The following PTPRD variants were observed in gnomAD, a reference collection of about 807,000 sequenced individuals.
The protein encoded by PTPRD is receptor-type tyrosine-protein phosphatase delta.
A neutral mutation model predicts 214.5 loss-of-function variants in PTPRD; 34 were observed. That is an observed-to-expected ratio of 0.16 (90% CI 0.12 to 0.21). The LOEUF (loss-of-function observed/expected upper bound fraction) is 0.21, where lower values mean the gene tolerates loss of function less well. Among genes scored for constraint, PTPRD ranks in the 10% least tolerant of loss-of-function variants. PTPRD has a pLI of 1.00. For synonymous variants in PTPRD, 1,128 were observed against 845.7 expected, an observed-to-expected ratio of 1.33 and a Z score of -5.79; for missense variants, 2,545 against 2,398.7, an observed-to-expected ratio of 1.06 and a Z score of -1.27.
At chr9:9,972,731 T>A (rs911742639) in intron 4 of PTPRD, among the ~76,000 whole-genome samples, 1 of 152,154 alleles carries the variant, frequency 6.6e-6, no homozygotes, top group Non-Finnish European at 1.5e-5. Context: ...CTTACCTTTT[T>A]CAGCTTCTAG....
At chr9:10,310,932 G>A (rs1033167695) in intron 3 of PTPRD, among the ~76,000 whole-genome samples, 1 of 151,996 alleles carries the variant, frequency 6.6e-6, no homozygotes, top group Non-Finnish European at 1.5e-5. Flanking sequence ...GTAACCTGCT[G>A]TACCTATGCA....
At chr9:9,884,590 T>A (rs1431224371) in intron 5 of PTPRD, among the ~76,000 whole-genome samples, 1 of 152,112 alleles carries the variant, frequency 6.6e-6, no homozygotes, top group African/African-American at 2.4e-5. Flanking sequence ...AGAAGTCTGA[T>A]GAGCCTAGAG....
At chr9:10,046,096 A>T (rs756446904) in intron 3 of PTPRD, among the ~76,000 whole-genome samples, 45 of 151,926 alleles carry the variant, frequency 3.0e-4, no homozygotes, top group South Asian at 1.5e-3. Flanking sequence ...ATATTCTAGC[A>T]GCTGGATTTT....
At chr9:8,502,993 C>T (rs1023019409) in intron 23 of PTPRD, among the ~76,000 whole-genome samples, 4 of 151,838 alleles carry the variant, frequency 2.6e-5, no homozygotes, top group Admixed American at 1.3e-4. Flanking sequence ...ATTTATTAGC[C>T]TGCCTGGAAT....
At chr9:10,170,511 C>T (rs893186049) in intron 3 of PTPRD, among the ~76,000 whole-genome samples, 8 of 152,032 alleles carry the variant, frequency 5.3e-5, no homozygotes, top group Non-Finnish European at 4.4e-5. Flanking sequence ...CACGGTGAAA[C>T]CCCGTCTCTA....
chr9:8,808,327 T>C (rs1326519124), intron 11 of PTPRD, among the ~76,000 whole-genome samples: 1 of 152,170 alleles, frequency 6.6e-6, no homozygotes, highest in Non-Finnish European at 1.5e-5. Flanking sequence ...GTGCAGACAC[T>C]GCGTCAAGTC....
intron 2 of PTPRD, among the ~76,000 whole-genome samples, chr9:10,570,895 G>A (rs201411271): frequency 9.5e-6 from 1 of 104,734 alleles, no homozygotes; most frequent in Non-Finnish European, 2.0e-5. Context: ...TTTTTTTTTT[G>A]TACAGGGTTA....
At chr9:8,586,907 G>C (rs2093699471) in intron 14 of PTPRD, among the ~76,000 whole-genome samples, 1 of 152,188 alleles carries the variant, frequency 6.6e-6, no homozygotes, top group South Asian at 2.1e-4. Flanking sequence ...CAGCACTTTG[G>C]GAGACTGAGG....
At chr9:8,326,508 C>T (rs190382223) in intron 44 of PTPRD, among the ~76,000 whole-genome samples, 6 of 151,314 alleles carry the variant, frequency 4.0e-5, no homozygotes, top group African/African-American at 1.5e-4. Context: ...CGATGTTCAT[C>T]AGGGATATTG....
chr9:10,352,276 A>G (rs2097196259), intron 2 of PTPRD, among the ~76,000 whole-genome samples: 2 of 152,080 alleles, frequency 1.3e-5, no homozygotes, highest in African/African-American at 4.8e-5. Context: ...TTAATTATAC[A>G]AACACTCCTG....
intron 3 of PTPRD, among the ~76,000 whole-genome samples, chr9:10,221,715 T>C (rs1207657782): frequency 6.6e-6 from 1 of 151,994 alleles, no homozygotes; most frequent in Non-Finnish European, 1.5e-5. Flanking sequence ...TTTACCAATG[T>C]TGTTTCTCAC....
At chr9:10,293,197 T>G (rs1428300521) in intron 3 of PTPRD, among the ~76,000 whole-genome samples, 4 of 151,868 alleles carry the variant, frequency 2.6e-5, no homozygotes, top group Admixed American at 2.0e-4. Flanking sequence ...CACATCAAAA[T>G]TAAGTACACA....
At chr9:10,404,955 A>G (rs1368857817) in intron 2 of PTPRD, among the ~76,000 whole-genome samples, 1 of 47,956 alleles carries the variant, frequency 2.1e-5, no homozygotes, top group African/African-American at 5.1e-5. Context: ...TAACACTTCA[A>G]TCTCATCCTC....
chr9:10,225,718 C>T (rs1448870062), intron 3 of PTPRD, among the ~76,000 whole-genome samples: 1 of 152,022 alleles, frequency 6.6e-6, no homozygotes, highest in Non-Finnish European at 1.5e-5. Context: ...ACTGTGGATA[C>T]ATGCCTCAAC....
chr9:10,552,605 A>G (rs2061582591), intron 2 of PTPRD, among the ~76,000 whole-genome samples: 1 of 152,162 alleles, frequency 6.6e-6, no homozygotes, highest in Non-Finnish European at 1.5e-5. Flanking sequence ...TGGACGCTAG[A>G]TCAACCAATT....
intron 7 of PTPRD, among the ~76,000 whole-genome samples, chr9:9,676,200 T>C (rs947849078): frequency 7.2e-5 from 11 of 152,068 alleles, no homozygotes; most frequent in Admixed American, 7.2e-4. Context: ...TATGTATACA[T>C]GTGCCATGTT....
chr9:10,154,663 T>C (rs2099082629), intron 3 of PTPRD, among the ~76,000 whole-genome samples: 1 of 152,186 alleles, frequency 6.6e-6, no homozygotes, highest in Non-Finnish European at 1.5e-5. Flanking sequence ...TTCAGTCTTC[T>C]GCATATAGCT....
At chr9:9,771,410 T>G (rs2098750795) in intron 5 of PTPRD, among the ~76,000 whole-genome samples, 1 of 152,206 alleles carries the variant, frequency 6.6e-6, no homozygotes, top group African/African-American at 2.4e-5. Context: ...CAAAATTCGA[T>G]GTATCCATCT....
chr9:10,278,133 G>A lies in PTPRD; in HGVS notation c.-545+62830C>T, dbSNP rs183520677. On this transcript the variant is annotated intron_variant, in intron 3 of 45. Transcript: ENST00000381196. ...ATAGCGCCACTGCACTCCAGCCTGG[G>A]CGACAGAGCGAGACTCTGTCTCAAA... Among the ~76,000 whole-genome samples the A allele has an allele frequency of 2.5e-4, 36 of 142,748 alleles. No homozygotes were observed. In the East Asian group the frequency reaches 6.5e-3, roughly 26 times the overall value. The allele number at this position is 142,748 out of a possible 152,430, so 93.6% of individuals were successfully genotyped here.
Sources: allele counts gnomAD v4.1 joint callset (sites outside exome capture counted in the v4.1 genomes callset), GRCh38; gene constraint gnomAD v4.1.1; transcripts MANE v1.5; gene names NCBI Gene and HGNC (gene_info 2026-07-23, HGNC 2026-07-21).